The following PHF21B variants were observed in gnomAD, a reference collection of about 807,000 sequenced individuals.
PHF21B encodes PHD finger protein 21B, also known as PHD finger protein 4.
Under a neutral mutation model 62.2 loss-of-function variants are expected in PHF21B, and 22 were observed. The observed-to-expected ratio is 0.35, with a 90% confidence interval of 0.25 to 0.51. PHF21B has a LOEUF of 0.51. PHF21B is among the 20% of genes least tolerant of loss of function. The probability of loss-of-function intolerance (pLI) is 0.97; values close to 1 mark genes in which losing one functional copy is unlikely to be tolerated. For missense variants in PHF21B, 701 were observed against 707.9 expected (o/e 0.99, Z 0.11); for synonymous variants, 341 against 314.7 (o/e 1.08, Z -0.88).
intron 2 of PHF21B, among the ~76,000 whole-genome samples, chr22:44,953,599 G>A (rs1409597324): frequency 2.0e-5 from 3 of 152,136 alleles, no homozygotes; most frequent in African/African-American, 7.2e-5. Context: ...GTGGGGGACT[G>A]GAGAGGGAGC....
intron 2 of PHF21B, among the ~76,000 whole-genome samples, chr22:44,999,570 C>T (rs960758828): frequency 6.6e-6 from 1 of 152,192 alleles, no homozygotes; most frequent in Non-Finnish European, 1.5e-5. Context: ...CGGTTACTAA[C>T]TTGCTGGGGA....
intron 2 of PHF21B, among the ~76,000 whole-genome samples, chr22:44,990,744 G>A (rs1049069824): frequency 6.6e-6 from 1 of 152,222 alleles, no homozygotes; most frequent in East Asian, 1.9e-4. Flanking sequence ...ATCTGGAGAT[G>A]GATGGTGGTG....
At chr22:45,007,116 G>A (rs908416915) in intron 2 of PHF21B, among the ~76,000 whole-genome samples, 5 of 148,460 alleles carry the variant, frequency 3.4e-5, no homozygotes, top group African/African-American at 1.2e-4. Context: ...GGGGGCCGCG[G>A]CACCAACTGA....
At chr22:44,990,169 T>C (rs1362714805) in intron 2 of PHF21B, among the ~76,000 whole-genome samples, 2 of 152,214 alleles carry the variant, frequency 1.3e-5, no homozygotes, top group Non-Finnish European at 2.9e-5. Context: ...CCCACAGTCA[T>C]GGACACAGGT....
intron 2 of PHF21B, among the ~76,000 whole-genome samples, chr22:44,923,263 T>C (rs1441329018): frequency 6.7e-6 from 1 of 149,568 alleles, no homozygotes; most frequent in Non-Finnish European, 1.5e-5. Flanking sequence ...TTCAAAATGG[T>C]ATTAGAACAA....
chr22:44,905,416 C>T (rs977203951), intron 5 of PHF21B, among the ~76,000 whole-genome samples: 8 of 152,206 alleles, frequency 5.3e-5, no homozygotes, highest in East Asian at 1.9e-4. Flanking sequence ...TTTTGTGCTT[C>T]GTTATTCCTT....
At chr22:44,987,121 A>G (rs1396363036) in intron 2 of PHF21B, among the ~76,000 whole-genome samples, 2 of 152,240 alleles carry the variant, frequency 1.3e-5, no homozygotes, top group Non-Finnish European at 2.9e-5. Flanking sequence ...ACTTGAGACA[A>G]ACAACTTTGG....
At chr22:44,925,356 C>A (rs574710304) in intron 2 of PHF21B, among the ~76,000 whole-genome samples, 1 of 152,168 alleles carries the variant, frequency 6.6e-6, no homozygotes, top group Non-Finnish European at 1.5e-5. Flanking sequence ...TCTCTCCACC[C>A]CTAGAATGAA....
At chr22:44,888,585 A>C (rs77296214) in intron 9 of PHF21B, among the ~76,000 whole-genome samples, 1 of 152,244 alleles carries the variant, frequency 6.6e-6, no homozygotes, top group South Asian at 2.1e-4. Flanking sequence ...CACTGCCTGG[A>C]GGGGCGGCGT....
At chr22:44,934,436 T>C (rs1002873247) in intron 2 of PHF21B, among the ~76,000 whole-genome samples, 14 of 151,930 alleles carry the variant, frequency 9.2e-5, no homozygotes, top group African/African-American at 3.4e-4. Flanking sequence ...GAGCAGGAGT[T>C]TTTTTCAGGC....
chr22:44,982,544 G>A (rs999554914), intron 2 of PHF21B, among the ~76,000 whole-genome samples: 15 of 152,144 alleles, frequency 9.9e-5, no homozygotes, highest in Admixed American at 6.5e-4. Flanking sequence ...CCAAGTGCTC[G>A]GCGGGTCCTA....
At chr22:44,939,206 G>T (rs1374736687) in intron 2 of PHF21B, among the ~76,000 whole-genome samples, 1 of 152,348 alleles carries the variant, frequency 6.6e-6, no homozygotes, top group Non-Finnish European at 1.5e-5. Flanking sequence ...GCTGTGATGA[G>T]CCAGGGACTG....
At chr22:45,004,829 TG>T (rs1211387119) in intron 2 of PHF21B, among the ~76,000 whole-genome samples, 1 of 152,256 alleles carries the variant, frequency 6.6e-6, no homozygotes. Flanking sequence ...GTACTTTTAC[TG>T]CTGCACTCGG....
intron 2 of PHF21B, among the ~76,000 whole-genome samples, chr22:44,973,526 T>C (rs184389690): frequency 9.8e-5 from 15 of 152,292 alleles, no homozygotes; most frequent in Admixed American, 7.8e-4. Context: ...TTCAGCGAAC[T>C]GCTCAAGCTG....
At chr22:44,960,825 G>A (rs777217314) in intron 2 of PHF21B, among the ~76,000 whole-genome samples, 2 of 152,114 alleles carry the variant, frequency 1.3e-5, no homozygotes, top group Admixed American at 6.6e-5. Context: ...GCAAACTGAT[G>A]CATCAGCCTT....
chr22:44,945,481 C>T (rs1055362533), intron 2 of PHF21B, among the ~76,000 whole-genome samples: 1 of 152,190 alleles, frequency 6.6e-6, no homozygotes, highest in East Asian at 1.9e-4. Context: ...GAATCACCTG[C>T]GCTTGAGTGC....
At chr22:44,998,979 A>G (rs1159556249) in intron 2 of PHF21B, among the ~76,000 whole-genome samples, 1 of 152,172 alleles carries the variant, frequency 6.6e-6, no homozygotes, top group Middle Eastern at 3.2e-3. Flanking sequence ...AACCCTGAGC[A>G]AAAAAATAAA....
At chr22:44,972,827 G>A (rs943102278) in intron 2 of PHF21B, among the ~76,000 whole-genome samples, 15 of 152,170 alleles carry the variant, frequency 9.9e-5, no homozygotes, top group Non-Finnish European at 1.6e-4. Flanking sequence ...CTACAGACAG[G>A]GACTGTGTCT....
intron 12 of PHF21B, among the ~76,000 whole-genome samples, chr22:44,884,434 T>TCACCACCACCACCATCACGGTGATGAG (rs1193543384): frequency 1.1e-5 from 1 of 90,992 alleles, no homozygotes. Context: ...ATCACCATTA[T>TCACCACCACCACCATCACGGTGATGAG]CACCACCACC....
Sources: gnomAD v4.1 joint callset for allele counts (sites outside exome capture counted in the v4.1 genomes callset) on GRCh38, gnomAD v4.1.1 for gene constraint, MANE v1.5 for transcripts, NCBI Gene and HGNC (gene_info 2026-07-23, HGNC 2026-07-21) for gene names.